Variants in MAGI2 observed in about 807,000 individuals in gnomAD.
MAGI2 encodes the protein membrane associated guanylate kinase, WW and PDZ domain containing 2, also known as membrane-associated guanylate kinase, WW and PDZ domain-containing protein 2.
A neutral mutation model predicts 133.3 loss-of-function variants in MAGI2; 35 were observed. The observed-to-expected ratio is 0.26, with a 90% CI of 0.20 to 0.35. The LOEUF (loss-of-function observed/expected upper bound fraction) is 0.35, where lower values mean the gene tolerates loss of function less well. Among genes scored for constraint, MAGI2 ranks in the 10% least tolerant of loss-of-function variants. The pLI is 1.00. For missense variants in MAGI2, 1,636 were observed against 1,863.4 expected, an observed-to-expected ratio of 0.88 and a Z score of 2.25; for synonymous variants, 729 against 710.6, an observed-to-expected ratio of 1.03 and a Z score of -0.41.
chr7:78,802,340 C>A (rs1788140347), intron 2 of MAGI2, among the ~76,000 whole-genome samples: 1 of 152,156 alleles, frequency 6.6e-6, no homozygotes, highest in African/African-American at 2.4e-5. Context: ...AGGGCAAGAG[C>A]CATGCCATTT....
At chr7:78,841,647 C>CG in intron 2 of MAGI2, among the ~76,000 whole-genome samples, 1 of 151,940 alleles carries the variant, frequency 6.6e-6, no homozygotes, top group Non-Finnish European at 1.5e-5. Context: ...TGATGCCTAA[C>CG]GCTAAATTAC....
In MAGI2 at chr7:78,255,726, CTAT is replaced by C. The variant is rs1265673001; in HGVS notation, c.2047+214_2047+216del. 31 of 618,184 alleles carry C rather than the reference CTAT, an allele frequency of 5.0e-5. 1 individual carries two copies. Among genetic ancestry groups the C allele is most frequent in the Middle Eastern group, 8.7e-4 (2 of 2,306 alleles). 38.3% of individuals were successfully genotyped at this position (618,184 alleles called of 1,614,324 possible). On this transcript the variant is annotated intron_variant, in intron 10 of 21. Coordinates refer to ENST00000354212, the MANE Select transcript of MAGI2 (RefSeq NM_012301.4). ...CAATATGTCTGTAAGACTGAAAGAA[CTAT>C]TATTATTGTGTTTAATACAAAATAG...
intron 6 of MAGI2, among the ~76,000 whole-genome samples, chr7:78,380,088 T>C (rs1399222067): frequency 2.0e-5 from 3 of 151,002 alleles, no homozygotes; most frequent in Non-Finnish European, 4.4e-5. Flanking sequence ...ATAATAAAAG[T>C]AAATTCAAAA....
At chr7:78,145,532 A>G (rs1211835128) in intron 16 of MAGI2, among the ~76,000 whole-genome samples, 2 of 152,090 alleles carry the variant, frequency 1.3e-5, no homozygotes, top group Admixed American at 1.3e-4. Context: ...CTTCTCCTAT[A>G]GGTCATAAGG....
intron 2 of MAGI2, among the ~76,000 whole-genome samples, chr7:78,680,058 TA>T (rs1815483726): frequency 1.3e-5 from 2 of 152,258 alleles, no homozygotes; most frequent in South Asian, 4.1e-4. Context: ...TTTATCCAAA[TA>T]GAGACATAAA....
chr7:79,054,033 T>G (rs989952057), intron 1 of MAGI2, among the ~76,000 whole-genome samples: 3 of 151,842 alleles, frequency 2.0e-5, no homozygotes, highest in South Asian at 4.2e-4. Flanking sequence ...CCGCCTCTAG[T>G]AAAAATACAA....
At chr7:79,437,698 T>G (rs1848241490) in intron 1 of MAGI2, among the ~76,000 whole-genome samples, 1 of 152,086 alleles carries the variant, frequency 6.6e-6, no homozygotes, top group African/African-American at 2.4e-5. Flanking sequence ...AATCAAAAAC[T>G]GGGGTATTGT....
rs1287795755 is a variant in MAGI2 at position 78,476,864 on chromosome 7, A to AT, written c.1045+12896dup. On this transcript the variant is annotated intron_variant, in intron 6 of 21. Transcript: ENST00000354212. ...GCACTGAATTGTATCATAAGTGCTCATTTTTTATCTTCACTAGTAAAAAAA... is the reference window on the plus strand; with the variant it reads ...GCACTGAATTGTATCATAAGTGCTCATTTTTTTATCTTCACTAGTAAAAAAA... Among the ~76,000 whole-genome samples, 33 of 124,898 alleles carry AT rather than the reference A, an allele frequency of 2.6e-4. 1 individual carries two copies. The Admixed American group carries it at 2.9e-3, about 11-fold the overall frequency. 81.9% of individuals were successfully genotyped at this position (124,898 alleles called of 152,430 possible).
chr7:78,630,824 C>T (rs1218262720), intron 2 of MAGI2, among the ~76,000 whole-genome samples: 1 of 152,150 alleles, frequency 6.6e-6, no homozygotes, highest in Non-Finnish European at 1.5e-5. Context: ...TCTCAAAATT[C>T]ACAAATACAT....
chr7:78,881,336 A>G (rs1795820664), intron 2 of MAGI2, among the ~76,000 whole-genome samples: 1 of 151,866 alleles, frequency 6.6e-6, no homozygotes, highest in South Asian at 2.1e-4. Flanking sequence ...AGCAAGTCTC[A>G]ATAAATTTTA....
At position 79,191,208 on chromosome 7, in the gene MAGI2, T is replaced by A. The variant is rs1039487052; in HGVS notation, c.302-184002A>T. ...TCATATTTATTTTGTTACTTTCCCA[T>A]GTATATCCCATTTTACTTTTGATTT... On this transcript the variant is annotated intron_variant, in intron 1 of 21. Coordinates refer to ENST00000354212, the MANE Select transcript of MAGI2 (RefSeq NM_012301.4). 2.6e-5 allele frequency among the ~76,000 whole-genome samples: 4 copies of A among 151,522 alleles called. No individual in the cohort carries two copies. In the East Asian group the frequency reaches 5.8e-4, roughly 22 times the overall value.
chr7:79,178,182 T>C (rs1420821127), intron 1 of MAGI2, among the ~76,000 whole-genome samples: 1 of 152,010 alleles, frequency 6.6e-6, no homozygotes, highest in Non-Finnish European at 1.5e-5. Flanking sequence ...TATTTTGTAC[T>C]GGCTACAAGA....
At chr7:78,243,439 T>C (rs1424521210) in intron 10 of MAGI2, among the ~76,000 whole-genome samples, 2 of 152,250 alleles carry the variant, frequency 1.3e-5, no homozygotes, top group Admixed American at 6.5e-5. Context: ...TTAATACTTC[T>C]AGCTTTACTT....
intron 10 of MAGI2, among the ~76,000 whole-genome samples, chr7:78,245,362 C>T (rs944025388): frequency 3.3e-5 from 5 of 152,270 alleles, no homozygotes; most frequent in Middle Eastern, 3.4e-3. Flanking sequence ...ATCTCTAGTG[C>T]TAAAAAAGCG....
chr7:78,294,339 A>G (rs798342), intron 9 of MAGI2, among the ~76,000 whole-genome samples: 40,839 of 151,976 alleles, frequency 0.27, 5,812 homozygotes, highest in African/African-American at 0.33. Context: ...TAGTTGTAAA[A>G]GGGAAAACAA....
intron 6 of MAGI2, among the ~76,000 whole-genome samples, chr7:78,379,313 A>C (rs1239834969): frequency 6.6e-6 from 1 of 151,998 alleles, no homozygotes; most frequent in Non-Finnish European, 1.5e-5. Context: ...CATCCTGTAA[A>C]GATGACACAC....
chr7:79,218,903 A>G (rs1470606333), intron 1 of MAGI2, among the ~76,000 whole-genome samples: 2 of 152,140 alleles, frequency 1.3e-5, no homozygotes, highest in African/African-American at 4.8e-5. Flanking sequence ...TAAAAGTTAC[A>G]TAAGTAACAT....
chr7:79,292,091 C>T (rs559127897), intron 1 of MAGI2, among the ~76,000 whole-genome samples: 88 of 152,134 alleles, frequency 5.8e-4, no homozygotes, highest in African/African-American at 1.8e-3. Flanking sequence ...TGTGATGTGA[C>T]GCAGGGGTCC....
At chr7:78,679,362 T>G (rs1035092958) in intron 2 of MAGI2, among the ~76,000 whole-genome samples, 2 of 152,196 alleles carry the variant, frequency 1.3e-5, no homozygotes, top group Non-Finnish European at 2.9e-5. Flanking sequence ...ATTTTTCATT[T>G]GTCAATTCCC....
Sources: gnomAD v4.1 joint callset for allele counts (sites outside exome capture counted in the v4.1 genomes callset) on GRCh38, gnomAD v4.1.1 for gene constraint, MANE v1.5 for transcripts, NCBI Gene and HGNC (gene_info 2026-07-23, HGNC 2026-07-21) for gene names.